LRRC7: variants seen among roughly 807,000 people sequenced by gnomAD.
The protein encoded by LRRC7 is leucine rich repeat containing 7.
Under a neutral mutation model 175.7 loss-of-function variants are expected in LRRC7, and 23 were observed. The observed-to-expected ratio is 0.13, with a 90% confidence interval of 0.09 to 0.19. LRRC7 has a LOEUF of 0.19. LRRC7 is among the 10% of genes least tolerant of loss of function. LRRC7 has a pLI of 1.00. For missense variants in LRRC7, 1,354 were observed against 1,904.7 expected, an observed-to-expected ratio of 0.71 and a Z score of 5.38; for synonymous variants, 685 against 680.9, an observed-to-expected ratio of 1.01 and a Z score of -0.09.
chr1:69,683,460 C>G (rs1315365805), intron 2 of LRRC7, among the ~76,000 whole-genome samples: 1 of 152,082 alleles, frequency 6.6e-6, no homozygotes, highest in Admixed American at 6.6e-5. Flanking sequence ...TGCAGTCTAG[C>G]CTCCACCCAC....
intron 2 of LRRC7, among the ~76,000 whole-genome samples, chr1:69,730,030 A>G (rs1049154596): frequency 2.0e-5 from 3 of 152,314 alleles, no homozygotes; most frequent in African/African-American, 7.2e-5. Context: ...CTCTGAAGCA[A>G]TGACCCAAGC....
chr1:69,772,022 G>A (rs1672297380), intron 3 of LRRC7, among the ~76,000 whole-genome samples: 1 of 152,152 alleles, frequency 6.6e-6, no homozygotes. Flanking sequence ...TCAGGAGGCT[G>A]AGGCAGGAGA....
At position 69,943,914 on chromosome 1, in the gene LRRC7, G is replaced by GT. The variant is rs879290969; in HGVS notation, c.711+12354dup. Among the ~76,000 whole-genome samples the GT allele has an allele frequency of 4.4e-3, 627 of 142,970 alleles. 3 individuals are homozygous for GT. Among genetic ancestry groups the GT allele is most frequent in the African/African-American group, 4.5e-3 (175 of 38,678 alleles). 93.8% of individuals were successfully genotyped at this position (142,970 alleles called of 152,430 possible). On this transcript the variant is annotated intron_variant, in intron 8 of 26. Transcript: ENST00000651989. ...AAATAGGAAACAATAAAAAATGAAAGTTTTTTTTTTCAGTTCTTATTTTTT... is the reference window on the plus strand; with the variant it reads ...AAATAGGAAACAATAAAAAATGAAAGTTTTTTTTTTTCAGTTCTTATTTTTT...
chr1:69,906,359 CCTAGGTTTTCTT>C (rs879806213), intron 7 of LRRC7, among the ~76,000 whole-genome samples: 122 of 152,094 alleles, frequency 8.0e-4, no homozygotes, highest in Middle Eastern at 3.2e-3. Flanking sequence ...AATAGTATTG[CCTAGGTTTTCTT>C]CTAGGGTTTT....
chr1:69,819,573 C>G (rs1354507185), intron 4 of LRRC7, among the ~76,000 whole-genome samples: 11 of 128,170 alleles, frequency 8.6e-5, no homozygotes, highest in African/African-American at 4.0e-4. Context: ...CTCTCTCTCT[C>G]TCTCTGTGTG....
chr1:69,889,358 G>A (rs1478497194), intron 7 of LRRC7, among the ~76,000 whole-genome samples: 3 of 152,142 alleles, frequency 2.0e-5, no homozygotes, highest in Non-Finnish European at 4.4e-5. Context: ...CTATTTGATA[G>A]CATTTTACCT....
At chr1:69,973,436 TA>T (rs1652476039) in intron 8 of LRRC7, among the ~76,000 whole-genome samples, 1 of 151,904 alleles carries the variant, frequency 6.6e-6, no homozygotes, top group Admixed American at 6.6e-5. Context: ...CCTATGGAAA[TA>T]AAAAATTTTA....
At chr1:69,919,666 G>A (rs1362332136) in intron 7 of LRRC7, 2 of 940,584 alleles carry the variant, frequency 2.1e-6, no homozygotes, top group South Asian at 1.4e-5. Flanking sequence ...TTGAGTCTCC[G>A]GCCTCACAAT....
chr1:70,015,599 C>T (rs547733752), intron 13 of LRRC7, among the ~76,000 whole-genome samples: 20 of 152,178 alleles, frequency 1.3e-4, no homozygotes, highest in African/African-American at 4.1e-4. Context: ...TGATGGTAAC[C>T]CATGTGATCA....
intron 8 of LRRC7, among the ~76,000 whole-genome samples, chr1:69,959,257 A>G (rs1399111877): frequency 6.6e-6 from 1 of 152,138 alleles, no homozygotes; most frequent in African/African-American, 2.4e-5. Flanking sequence ...GAAATGTAAC[A>G]AAAGAAACAG....
At chr1:69,979,859 A>T (rs369900299) in intron 8 of LRRC7, among the ~76,000 whole-genome samples, 16 of 151,860 alleles carry the variant, frequency 1.1e-4, no homozygotes, top group African/African-American at 3.9e-4. Flanking sequence ...GTAATGGCAA[A>T]ACCGCAATTA....
At chr1:69,910,915 C>T (rs926287319) in intron 7 of LRRC7, among the ~76,000 whole-genome samples, 12 of 152,208 alleles carry the variant, frequency 7.9e-5, no homozygotes, top group African/African-American at 2.4e-4. Flanking sequence ...GTGCCCCTTC[C>T]CCAGCCTCGC....
In LRRC7 at chr1:70,128,479, A is replaced by G. The variant is rs1030620370; in HGVS notation, c.*6592A>G. 2 of 152,220 alleles carry G rather than the reference A, an allele frequency of 1.3e-5. No individual in the cohort carries two copies. Among genetic ancestry groups the G allele is most frequent in the African/African-American group, 4.8e-5 (2 of 41,444 alleles). 9.4% of individuals were successfully genotyped at this position (152,220 alleles called of 1,614,324 possible). On this transcript the variant is annotated 3_prime_UTR_variant, in exon 27 of 27. Coordinates refer to ENST00000651989, the MANE Select transcript of LRRC7 (RefSeq NM_001370785.2). ...AGCCAAGTATCTTTACATCCAGAGT[A>G]AAGTATCTTAGTACAGGGAACTTTA...
chr1:69,964,590 G>T (rs555590977), intron 8 of LRRC7, among the ~76,000 whole-genome samples: 118 of 152,252 alleles, frequency 7.8e-4, no homozygotes, highest in African/African-American at 2.8e-3. Context: ...TAGCTTCTAG[G>T]ATCTTATATG....
At position 69,968,637 on chromosome 1, in the gene LRRC7, G is replaced by A. The variant is rs556265702; in HGVS notation, c.712-11742G>A. On this transcript the variant is annotated intron_variant, in intron 8 of 26. Coordinates refer to ENST00000651989, the MANE Select transcript of LRRC7 (RefSeq NM_001370785.2). ...AACCCTACAAGCTAGAAGGGTTTGG[G>A]GTCCTATCTTCAGCCTCCTCAAACA... 4.8e-4 allele frequency among the ~76,000 whole-genome samples: 73 copies of A among 152,146 alleles called. 2 individuals are homozygous for A. Among genetic ancestry groups the A allele is most frequent in the African/African-American group, 1.6e-3 (65 of 41,504 alleles).
intron 8 of LRRC7, among the ~76,000 whole-genome samples, chr1:69,952,065 GA>G (rs1649997374): frequency 2.0e-5 from 3 of 151,870 alleles, no homozygotes; most frequent in African/African-American, 7.2e-5. Flanking sequence ...GATAAAAACA[GA>G]AAATAAAATG....
At chr1:69,664,970 T>C (rs1261139589) in intron 1 of LRRC7, among the ~76,000 whole-genome samples, 1 of 152,224 alleles carries the variant, frequency 6.6e-6, no homozygotes, top group Non-Finnish European at 1.5e-5. Context: ...CATTTTGATT[T>C]GATCTTTGTA....
chr1:69,626,313 T>C (rs1054263678), intron 1 of LRRC7, among the ~76,000 whole-genome samples: 1 of 151,816 alleles, frequency 6.6e-6, no homozygotes, highest in African/African-American at 2.4e-5. Flanking sequence ...TTCTGGGTAT[T>C]TATTGCCCTG....
At chr1:69,755,783 GCCAGAATATTTTTCT>G (rs1670356577) in intron 2 of LRRC7, among the ~76,000 whole-genome samples, 2 of 151,804 alleles carry the variant, frequency 1.3e-5, no homozygotes, top group African/African-American at 2.4e-5. Context: ...CAGGCAGAAG[GCCAGAATATTTTTCT>G]CCAGAATATT....
Sources: gnomAD v4.1 joint callset for allele counts (sites outside exome capture counted in the v4.1 genomes callset) on GRCh38, gnomAD v4.1.1 for gene constraint, MANE v1.5 for transcripts, NCBI Gene and HGNC (gene_info 2026-07-23, HGNC 2026-07-21) for gene names.